Variants in CAMK1D observed in about 807,000 individuals in gnomAD.
CAMK1D encodes the protein calcium/calmodulin dependent protein kinase ID.
In CAMK1D, 9 loss-of-function variants were observed where a neutral mutation model predicts 47.7. That is an observed-to-expected ratio of 0.19 (90% confidence interval 0.11 to 0.33). The LOEUF is 0.33. CAMK1D is among the 10% of genes least tolerant of loss of function. The pLI, the probability that CAMK1D is intolerant of heterozygous loss-of-function variation, is 1.00. For synonymous variants in CAMK1D, 184 were observed against 184.9 expected, an observed-to-expected ratio of 0.99 and a Z score of 0.04; for missense variants, 291 against 488.7, an observed-to-expected ratio of 0.60 and a Z score of 3.81.
intron 2 of CAMK1D, among the ~76,000 whole-genome samples, chr10:12,573,856 T>G (rs113299429): frequency 0.036 from 4,324 of 121,634 alleles, 295 homozygotes; most frequent in African/African-American, 0.12. Context: ...TTTTTTTTTT[T>G]GTGGAGATGG....
intron 1 of CAMK1D, among the ~76,000 whole-genome samples, chr10:12,417,807 C>CTTT (rs34013103): frequency 1.4e-5 from 2 of 145,364 alleles, no homozygotes; most frequent in East Asian, 2.0e-4. Flanking sequence ...TATTTTTTGC[C>CTTT]TTTTTTTTTT....
At chr10:12,359,966 T>C (rs911270441) in intron 1 of CAMK1D, among the ~76,000 whole-genome samples, 60 of 152,344 alleles carry the variant, frequency 3.9e-4, no homozygotes, top group African/African-American at 1.4e-3. Flanking sequence ...CACAGGATGT[T>C]AGTGTTAACA....
chr10:12,766,655 C>T (rs1414008692), intron 4 of CAMK1D, among the ~76,000 whole-genome samples: 1 of 152,122 alleles, frequency 6.6e-6, no homozygotes, highest in Admixed American at 6.6e-5. Flanking sequence ...GACTCTTTTA[C>T]CCTCACTATC....
intron 1 of CAMK1D, among the ~76,000 whole-genome samples, chr10:12,362,044 C>G (rs1406994682): frequency 6.6e-6 from 1 of 152,040 alleles, no homozygotes; most frequent in Non-Finnish European, 1.5e-5. Context: ...AAACTCTCTG[C>G]TCCTTAAAAC....
chr10:12,801,297 GTATC>G (rs1183015885), intron 6 of CAMK1D, among the ~76,000 whole-genome samples: 2,175 of 89,796 alleles, frequency 0.024, 62 homozygotes, highest in Non-Finnish European at 0.026. Context: ...GTCTGTGTGT[GTATC>G]TATCTATCTA....
At chr10:12,548,073 A>G (rs1836455350) in intron 1 of CAMK1D, among the ~76,000 whole-genome samples, 1 of 152,164 alleles carries the variant, frequency 6.6e-6, no homozygotes, top group Admixed American at 6.5e-5. Flanking sequence ...ACACATTGAG[A>G]AAGGGCCTCG....
chr10:12,773,946 G>A (rs990337451), intron 5 of CAMK1D, among the ~76,000 whole-genome samples: 19 of 152,000 alleles, frequency 1.3e-4, no homozygotes, highest in Admixed American at 9.8e-4. Flanking sequence ...TACAAATTCT[G>A]ACCTCAGTAT....
At chr10:12,571,507 G>A (rs545150729) in intron 2 of CAMK1D, among the ~76,000 whole-genome samples, 7 of 149,766 alleles carry the variant, frequency 4.7e-5, no homozygotes, top group East Asian at 2.0e-4. Context: ...CCCAGGCCCC[G>A]CTGCAAACCC....
At chr10:12,535,028 A>G (rs1299735901) in intron 1 of CAMK1D, among the ~76,000 whole-genome samples, 1 of 152,206 alleles carries the variant, frequency 6.6e-6, no homozygotes, top group Non-Finnish European at 1.5e-5. Context: ...GTGAGCAGCT[A>G]GCCGCTGGCC....
At chr10:12,482,004 C>T (rs557092602) in intron 1 of CAMK1D, among the ~76,000 whole-genome samples, 2 of 152,340 alleles carry the variant, frequency 1.3e-5, no homozygotes, top group African/African-American at 2.4e-5. Flanking sequence ...CAAATCCCTT[C>T]GTGATCCATC....
intron 1 of CAMK1D, among the ~76,000 whole-genome samples, chr10:12,453,664 G>A (rs568582120): frequency 1.7e-4 from 26 of 152,268 alleles, no homozygotes; most frequent in African/African-American, 2.4e-4. Flanking sequence ...GGAAACTTTC[G>A]TTGAAATATA....
intron 1 of CAMK1D, among the ~76,000 whole-genome samples, chr10:12,382,670 C>T (rs1838378148): frequency 6.6e-6 from 1 of 151,984 alleles, no homozygotes; most frequent in East Asian, 1.9e-4. Flanking sequence ...ACTAAAAATA[C>T]AAAAATTAGC....
intron 1 of CAMK1D, among the ~76,000 whole-genome samples, chr10:12,381,178 A>G (rs1056314215): frequency 2.0e-5 from 3 of 152,248 alleles, no homozygotes; most frequent in African/African-American, 7.2e-5. Flanking sequence ...TACATTGAGC[A>G]GTGACAGCGG....
intron 2 of CAMK1D, among the ~76,000 whole-genome samples, chr10:12,627,293 C>G (rs1839248586): frequency 6.6e-6 from 1 of 151,906 alleles, no homozygotes; most frequent in South Asian, 2.1e-4. Flanking sequence ...ACCATGTTAG[C>G]CAGGATGGTC....
intron 3 of CAMK1D, among the ~76,000 whole-genome samples, chr10:12,702,008 A>G (rs1316320025): frequency 6.6e-6 from 1 of 152,210 alleles, no homozygotes; most frequent in Non-Finnish European, 1.5e-5. Flanking sequence ...AAGACCCTGG[A>G]AGCAATGTAC....
At chr10:12,535,657 C>G (rs1033054426) in intron 1 of CAMK1D, among the ~76,000 whole-genome samples, 1 of 152,176 alleles carries the variant, frequency 6.6e-6, no homozygotes, top group South Asian at 2.1e-4. Context: ...AATTCCCACT[C>G]CTGAAAGATT....
intron 2 of CAMK1D, among the ~76,000 whole-genome samples, chr10:12,591,789 G>A (rs1838003550): frequency 2.0e-5 from 3 of 152,306 alleles, no homozygotes; most frequent in South Asian, 2.1e-4. Context: ...CGCCTCCTGG[G>A]TTCTAGTGAT....
chr10:12,544,902 T>C (rs1406134105), intron 1 of CAMK1D, among the ~76,000 whole-genome samples: 3 of 152,154 alleles, frequency 2.0e-5, no homozygotes, highest in Non-Finnish European at 4.4e-5. Context: ...GAGTGGATGG[T>C]ACTAGTGTTG....
chr10:12,719,074 G>A (rs998738887), intron 3 of CAMK1D, among the ~76,000 whole-genome samples: 4 of 152,136 alleles, frequency 2.6e-5, no homozygotes, highest in South Asian at 2.1e-4. Context: ...ACAATTACAC[G>A]ATTTTTGACC....
Sources: allele counts gnomAD v4.1 joint callset (sites outside exome capture counted in the v4.1 genomes callset), GRCh38; gene constraint gnomAD v4.1.1; transcripts MANE v1.5; gene names NCBI Gene and HGNC (gene_info 2026-07-23, HGNC 2026-07-21).